SNX29: variants seen among roughly 807,000 people sequenced by gnomAD.
SNX29 encodes sorting nexin-29.
A neutral mutation model predicts 102.1 loss-of-function variants in SNX29; 78 were observed. The observed-to-expected ratio is 0.76, with a 90% CI of 0.64 to 0.92. SNX29 has a LOEUF of 0.92. Ranked by LOEUF, SNX29 falls within the 40% of genes least tolerant of loss-of-function variation. SNX29 has a pLI of 0.00. For missense variants in SNX29, 1,280 were observed against 1,061.7 expected, an observed-to-expected ratio of 1.21 and a Z score of -2.86; for synonymous variants, 580 against 414.5, an observed-to-expected ratio of 1.40 and a Z score of -4.85.
At chr16:12,210,112 T>C (rs982521856) in intron 14 of SNX29, among the ~76,000 whole-genome samples, 2 of 152,158 alleles carry the variant, frequency 1.3e-5, no homozygotes, top group African/African-American at 2.4e-5. Context: ...ATCCATGTGG[T>C]TTATGTGGGC....
intron 19 of SNX29, among the ~76,000 whole-genome samples, chr16:12,484,779 C>T (rs557710647): frequency 2.4e-4 from 37 of 152,332 alleles, no homozygotes; most frequent in African/African-American, 8.2e-4. Context: ...ACCCCTCACT[C>T]TGCTGCCCTC....
At chr16:12,212,217 G>A (rs545324379) in intron 14 of SNX29, among the ~76,000 whole-genome samples, 4 of 152,282 alleles carry the variant, frequency 2.6e-5, no homozygotes, top group Admixed American at 2.6e-4. Context: ...CGCCATGTTC[G>A]CCTTTCCCCC....
Position 12,572,937 on chromosome 16 carries a change from G to A in SNX29, c.*4308G>A, listed in dbSNP as rs188129941. ...GACTTGGAGTGTTTCTTCAAGGCAG[G>A]CATCTGCTTATGAGCAAGGTCAAAG... On this transcript the variant is annotated 3_prime_UTR_variant, in exon 21 of 21. Coordinates refer to ENST00000566228, the MANE Select transcript of SNX29 (RefSeq NM_032167.5). The A allele has an allele frequency of 1.2e-6, 1 of 825,540 alleles. No individual in the cohort carries two copies. The highest frequency in any genetic ancestry group is 1.5e-6 in the Non-Finnish European group (1 of 661,242). The allele number at this position is 825,540 out of a possible 1,614,324, so 51.1% of individuals were successfully genotyped here. A position where few individuals can be genotyped will look rare whatever the true frequency, so the allele number is the denominator to read the frequency against.
chr16:12,083,021 C>T (rs187749906), intron 11 of SNX29, among the ~76,000 whole-genome samples: 69 of 152,108 alleles, frequency 4.5e-4, no homozygotes, highest in African/African-American at 1.5e-3. Flanking sequence ...CTTATTTTCT[C>T]GGCCGGGCAC....
intron 15 of SNX29, among the ~76,000 whole-genome samples, chr16:12,338,961 A>G (rs543629800): frequency 6.6e-6 from 1 of 152,076 alleles, no homozygotes; most frequent in South Asian, 2.1e-4. Flanking sequence ...GGAGTGTCAC[A>G]TGGAGGGAGA....
At chr16:12,545,303 T>C (rs926356847) in intron 20 of SNX29, among the ~76,000 whole-genome samples, 1 of 151,938 alleles carries the variant, frequency 6.6e-6, no homozygotes, top group South Asian at 2.1e-4. Context: ...TCTTTACATC[T>C]GGAAGACTCG....
intron 11 of SNX29, among the ~76,000 whole-genome samples, chr16:12,092,412 T>C (rs1218012244): frequency 2.6e-5 from 4 of 152,240 alleles, no homozygotes; most frequent in Admixed American, 6.5e-5. Flanking sequence ...GGCTCCAGTC[T>C]GTTATAATCA....
At chr16:12,161,055 T>C (rs2055764228) in intron 13 of SNX29, among the ~76,000 whole-genome samples, 1 of 152,218 alleles carries the variant, frequency 6.6e-6, no homozygotes, top group Admixed American at 6.5e-5. Flanking sequence ...CGAGTACATT[T>C]TTGACAGAGA....
chr16:12,036,330 CT>C (rs1290796143), intron 4 of SNX29, among the ~76,000 whole-genome samples: 1 of 117,672 alleles, frequency 8.5e-6, no homozygotes, highest in Non-Finnish European at 1.8e-5. Context: ...GTTTTTCTTT[CT>C]TTCTTTTTTT....
chr16:12,028,954 G>T (rs2057266582), intron 4 of SNX29, among the ~76,000 whole-genome samples: 1 of 152,070 alleles, frequency 6.6e-6, no homozygotes, highest in African/African-American at 2.4e-5. Context: ...CACCATGTTG[G>T]CCAGGCTGGT....
intron 20 of SNX29, among the ~76,000 whole-genome samples, chr16:12,538,008 C>G (rs974035990): frequency 6.6e-6 from 1 of 150,718 alleles, no homozygotes; most frequent in Non-Finnish European, 1.5e-5. Context: ...AAAAAATTGT[C>G]TGCCATTTAT....
intron 3 of SNX29, among the ~76,000 whole-genome samples, chr16:12,016,816 G>C (rs2056861100): frequency 1.3e-5 from 2 of 151,946 alleles, no homozygotes; most frequent in African/African-American, 4.8e-5. Context: ...CTGGGTCAAA[G>C]GGTTATGCAC....
At chr16:12,463,333 C>G (rs994327255) in intron 18 of SNX29, among the ~76,000 whole-genome samples, 5 of 152,158 alleles carry the variant, frequency 3.3e-5, no homozygotes, top group Non-Finnish European at 7.4e-5. Flanking sequence ...AAAGACATAC[C>G]CGAGACTGGG....
Position 12,048,633 on chromosome 16 carries a change from G to A in SNX29, c.748+13G>A, listed in dbSNP as rs3975441. On this transcript the variant is annotated intron_variant, in intron 7 of 20. Transcript: ENST00000566228. ...AATGTCAGTGCTGGTGAGTGGGAACGGGTGCTCGAGGCGGAGCAGAGGGAA... is the reference window on the plus strand; with the variant it reads ...AATGTCAGTGCTGGTGAGTGGGAACAGGTGCTCGAGGCGGAGCAGAGGGAA... 1.2e-6 allele frequency: 2 copies of A among 1,613,814 alleles called. No individual in the cohort carries two copies. Among genetic ancestry groups the A allele is most frequent in the South Asian group, 1.1e-5 (1 of 91,064 alleles).
At chr16:12,497,703 C>G (rs992109843) in intron 19 of SNX29, among the ~76,000 whole-genome samples, 1 of 152,164 alleles carries the variant, frequency 6.6e-6, no homozygotes, top group Non-Finnish European at 1.5e-5. Context: ...CAATTGGCTT[C>G]CTTCTTAGGC....
chr16:12,381,862 A>C, intron 16 of SNX29, among the ~76,000 whole-genome samples: 1 of 139,518 alleles, frequency 7.2e-6, no homozygotes, highest in East Asian at 2.1e-4. Context: ...CCACTCACCC[A>C]CTCACCCATC....
intron 11 of SNX29, among the ~76,000 whole-genome samples, chr16:12,120,410 G>T (rs1181777769): frequency 6.6e-6 from 1 of 152,236 alleles, no homozygotes; most frequent in Non-Finnish European, 1.5e-5. Flanking sequence ...ATATGTGAGA[G>T]AGTGTGTGTG....
chr16:12,400,828 A>T (rs1280622258), intron 17 of SNX29, among the ~76,000 whole-genome samples: 1 of 152,040 alleles, frequency 6.6e-6, no homozygotes, highest in East Asian at 1.9e-4. Context: ...TCATTTATTT[A>T]TTTATTTATT....
intron 13 of SNX29, among the ~76,000 whole-genome samples, chr16:12,179,085 T>G (rs552955898): frequency 8.1e-4 from 123 of 152,366 alleles, no homozygotes; most frequent in Middle Eastern, 3.4e-3. Context: ...TAAAATTGTG[T>G]TTGTGTGTCT....
Sources: gnomAD v4.1 joint callset for allele counts (sites outside exome capture counted in the v4.1 genomes callset) on GRCh38, gnomAD v4.1.1 for gene constraint, MANE v1.5 for transcripts, NCBI Gene and HGNC (gene_info 2026-07-23, HGNC 2026-07-21) for gene names.